The following SLC15A5 variants were observed in gnomAD, a reference collection of about 807,000 sequenced individuals.
SLC15A5 encodes solute carrier family 15 member 5.
A neutral mutation model predicts 56.1 loss-of-function variants in SLC15A5; 58 were observed. That is an observed-to-expected ratio of 1.03 (90% CI 0.84 to 1.29). The LOEUF (loss-of-function observed/expected upper bound fraction) is 1.29, where lower values mean the gene tolerates loss of function less well. Ranked by LOEUF, SLC15A5 falls within the 50% of genes most tolerant of loss-of-function variation. SLC15A5 has a pLI of 0.00. For synonymous variants in SLC15A5, 264 were observed against 250.5 expected, an observed-to-expected ratio of 1.05 and a Z score of -0.51; for missense variants, 681 against 672.1, an observed-to-expected ratio of 1.01 and a Z score of -0.15.
intron 7 of SLC15A5, among the ~76,000 whole-genome samples, chr12:16,210,052 C>T (rs1864063771): frequency 6.6e-6 from 1 of 152,192 alleles, no homozygotes. Flanking sequence ...GCCATTTCCT[C>T]CTTTTTTGAA....
chr12:16,203,375 A>G (rs1246141862), intron 7 of SLC15A5, among the ~76,000 whole-genome samples: 1 of 152,198 alleles, frequency 6.6e-6, no homozygotes, highest in Admixed American at 6.5e-5. Flanking sequence ...AAAGAATCAT[A>G]ATTGCCAACA....
At position 16,189,633 on chromosome 12, in the gene SLC15A5, C is replaced by G. The variant is rs1429672455; in HGVS notation, c.*35G>C. The G allele has an allele frequency of 4.2e-6, 6 of 1,412,732 alleles. No individual in the cohort carries two copies. Among genetic ancestry groups the G allele is most frequent in the South Asian group, 1.7e-5 (1 of 58,744 alleles). The allele number at this position is 1,412,732 out of a possible 1,614,324, so 87.5% of individuals were successfully genotyped here. A position where few individuals can be genotyped will look rare whatever the true frequency, so the allele number is the denominator to read the frequency against. On this transcript the variant is annotated 3_prime_UTR_variant, in exon 9 of 9. Coordinates refer to ENST00000344941, the MANE Select transcript of SLC15A5 (RefSeq NM_001170798.1). ...CAACTGAAGAAGAAAACAATGAATA[C>G]TGTTCTCATAAGACAGGTAGACTCA...
intron 3 of SLC15A5, among the ~76,000 whole-genome samples, chr12:16,253,530 CAT>C (rs892875654): frequency 1.3e-5 from 2 of 152,046 alleles, no homozygotes; most frequent in African/African-American, 2.4e-5. Flanking sequence ...CCAATACACA[CAT>C]GAAAAGATGC....
At chr12:16,234,611 T>G (rs1161469587) in intron 5 of SLC15A5, among the ~76,000 whole-genome samples, 1 of 152,202 alleles carries the variant, frequency 6.6e-6, no homozygotes, top group Non-Finnish European at 1.5e-5. Context: ...GCACAATGGT[T>G]GCATAGGAGA....
At chr12:16,232,472 T>TG (rs1289390360) in intron 5 of SLC15A5, among the ~76,000 whole-genome samples, 1 of 152,122 alleles carries the variant, frequency 6.6e-6, no homozygotes, top group African/African-American at 2.4e-5. Context: ...TTTTTCTAAT[T>TG]GAAAGAGCCC....
chr12:16,244,937 C>G (rs1288538839), intron 3 of SLC15A5, 137 bp from the exon 4 acceptor site: 2 of 837,388 alleles, frequency 2.4e-6, no homozygotes, highest in African/African-American at 3.4e-5. Context: ...GGGTCGGACT[C>G]AAAGGACCAC....
intron 7 of SLC15A5, among the ~76,000 whole-genome samples, chr12:16,199,727 G>A (rs1456944070): frequency 6.6e-6 from 1 of 152,076 alleles, no homozygotes; most frequent in Non-Finnish European, 1.5e-5. Context: ...AGTACACCTA[G>A]TATGTATCAA....
rs5796661 is a variant in SLC15A5 at position 16,259,024 on chromosome 12, C to CTTTTTTTTTT, written c.585-1164_585-1155dup. ...TTTTTCTTTTTCTTTTCTTTCTTTC[C>CTTTTTTTTTT]TTTTTTTTTTTTTTTTTTTTTTTTT... On this transcript the variant is annotated intron_variant, in intron 2 of 8. Coordinates refer to ENST00000344941, the MANE Select transcript of SLC15A5 (RefSeq NM_001170798.1). Among the ~76,000 whole-genome samples the CTTTTTTTTTT allele has an allele frequency of 1.6e-4, 10 of 63,232 alleles. 2 individuals carry two copies. The East Asian group carries it at 2.3e-3, about 14-fold the overall frequency. 41.5% of individuals were successfully genotyped at this position (63,232 alleles called of 152,430 possible).
intron 7 of SLC15A5, among the ~76,000 whole-genome samples, chr12:16,213,671 CAAT>C (rs1025192697): frequency 6.6e-6 from 1 of 152,114 alleles, no homozygotes; most frequent in African/African-American, 2.4e-5. Flanking sequence ...TGATATAACA[CAAT>C]ATTATTATAA....
intron 3 of SLC15A5, among the ~76,000 whole-genome samples, chr12:16,248,740 T>A (rs1380826154): frequency 6.6e-6 from 1 of 152,050 alleles, no homozygotes; most frequent in African/African-American, 2.4e-5. Flanking sequence ...ATTTTGGGTG[T>A]CATGTAGGCT....
At chr12:16,206,446 A>C (rs1417857876) in intron 7 of SLC15A5, among the ~76,000 whole-genome samples, 2 of 152,186 alleles carry the variant, frequency 1.3e-5, no homozygotes, top group South Asian at 2.1e-4. Flanking sequence ...GTTAATTTTT[A>C]AAACACATTA....
In SLC15A5 at chr12:16,189,588, A is replaced by G; in HGVS notation, c.*80T>C. 7.9e-7 allele frequency: 1 copy of G among 1,271,668 alleles called. No homozygotes were observed. The highest frequency in any genetic ancestry group is 1.0e-6 in the Non-Finnish European group (1 of 984,998). The allele number at this position is 1,271,668 out of a possible 1,614,324, so 78.8% of individuals were successfully genotyped here. On this transcript the variant is annotated 3_prime_UTR_variant, in exon 9 of 9. Transcript: ENST00000344941. Reference sequence around the variant, plus strand: ...CACCTCTGTATATATTGGCTTTTACACTAAAACACATAAAATGCTCAACTG... The same window carrying G: ...CACCTCTGTATATATTGGCTTTTACGCTAAAACACATAAAATGCTCAACTG...
intron 2 of SLC15A5, among the ~76,000 whole-genome samples, chr12:16,270,454 A>G (rs1864740496): frequency 6.6e-6 from 1 of 152,178 alleles, no homozygotes; most frequent in African/African-American, 2.4e-5. Flanking sequence ...TTACACATTA[A>G]TAAACTGCTC....
At chr12:16,226,984 G>T (rs781050787) in intron 5 of SLC15A5, among the ~76,000 whole-genome samples, 61 of 152,064 alleles carry the variant, frequency 4.0e-4, no homozygotes, top group Non-Finnish European at 6.5e-4. Flanking sequence ...TGTTTAAATA[G>T]CTTAGTGTTT....
rs1159862152 is a variant in SLC15A5, at chr12:16,224,334, T to G, written c.1351+80A>C. ...GGAGGTGAATAGATGACATACCACT[T>G]TAATTGTTCTGGTTGAGGTGATGTG... On this transcript the variant is annotated intron_variant, in intron 6 of 8. Coordinates refer to ENST00000344941, the MANE Select transcript of SLC15A5 (RefSeq NM_001170798.1). The G allele has an allele frequency of 3.5e-5, 47 of 1,340,268 alleles. 1 individual carries two copies. The Admixed American group carries it at 1.1e-3, about 31-fold the overall frequency. 83.0% of individuals were successfully genotyped at this position (1,340,268 alleles called of 1,614,324 possible).
intron 6 of SLC15A5, among the ~76,000 whole-genome samples, chr12:16,224,042 G>A (rs890204056): frequency 9.9e-5 from 15 of 152,180 alleles, no homozygotes; most frequent in Middle Eastern, 3.4e-3. Flanking sequence ...AGTGAGAGTC[G>A]GGGAGGTGAG....
chr12:16,219,494 T>TA (rs1410007883), intron 6 of SLC15A5, among the ~76,000 whole-genome samples: 5 of 152,106 alleles, frequency 3.3e-5, no homozygotes, highest in African/African-American at 1.2e-4. Context: ...AAGCAGAACA[T>TA]ACAAGCCCAT....
At chr12:16,255,702 G>T (rs530321774) in intron 3 of SLC15A5, among the ~76,000 whole-genome samples, 1 of 151,868 alleles carries the variant, frequency 6.6e-6, no homozygotes, top group Non-Finnish European at 1.5e-5. Context: ...AAACCCAAAT[G>T]TCTATCCATA....
intron 3 of SLC15A5, among the ~76,000 whole-genome samples, chr12:16,247,341 T>G (rs1864472356): frequency 6.6e-6 from 1 of 152,176 alleles, no homozygotes; most frequent in Non-Finnish European, 1.5e-5. Context: ...ATATAATTGA[T>G]GCCAAAGAAA....
Sources: gnomAD v4.1 joint callset for allele counts (sites outside exome capture counted in the v4.1 genomes callset) on GRCh38, gnomAD v4.1.1 for gene constraint, MANE v1.5 for transcripts, NCBI Gene and HGNC (gene_info 2026-07-23, HGNC 2026-07-21) for gene names.